Variants in EPHA6 observed in about 807,000 individuals in gnomAD.
The protein encoded by EPHA6 is EPH receptor A6.
EPHA6 carries 50 observed loss-of-function variants against 112.0 expected under a neutral mutation model. That is an observed-to-expected ratio of 0.45 (90% CI 0.36 to 0.56). EPHA6 has a LOEUF of 0.56. EPHA6 is among the 20% of genes least tolerant of loss of function. EPHA6 has a pLI of 0.00. For missense variants in EPHA6, 1,280 were observed against 1,417.4 expected (o/e 0.90, Z 1.56); for synonymous variants, 529 against 490.7 (o/e 1.08, Z -1.03).
chr3:96,993,341 G>A (rs968218678), intron 3 of EPHA6, among the ~76,000 whole-genome samples: 1 of 150,650 alleles, frequency 6.6e-6, no homozygotes, highest in Non-Finnish European at 1.5e-5. Context: ...TCTGTCACCA[G>A]GCTAGAGTAC....
chr3:96,873,080 C>A (rs894769561), intron 2 of EPHA6, among the ~76,000 whole-genome samples: 4 of 151,864 alleles, frequency 2.6e-5, no homozygotes, highest in Admixed American at 1.3e-4. Context: ...CCAACCTGGC[C>A]AACATGGTGA....
intron 1 of EPHA6, among the ~76,000 whole-genome samples, chr3:96,838,938 A>G (rs1387562865): frequency 6.6e-6 from 1 of 152,084 alleles, no homozygotes; most frequent in African/African-American, 2.4e-5. Context: ...TTCTTGGTAG[A>G]TATTTAATAC....
chr3:96,875,200 T>C (rs1465857258), intron 2 of EPHA6, among the ~76,000 whole-genome samples: 1 of 151,996 alleles, frequency 6.6e-6, no homozygotes, highest in Admixed American at 6.6e-5. Flanking sequence ...TCGTGGAAGG[T>C]AGAATTTCCT....
chr3:97,655,135 CACAT>C (rs904634502), intron 14 of EPHA6, among the ~76,000 whole-genome samples: 68 of 147,694 alleles, frequency 4.6e-4, no homozygotes, highest in Non-Finnish European at 8.0e-4. Context: ...TATATATATA[CACAT>C]ACATATATAT....
chr3:97,616,401 G>A (rs1050928876), intron 13 of EPHA6, among the ~76,000 whole-genome samples: 1 of 152,168 alleles, frequency 6.6e-6, no homozygotes, highest in African/African-American at 2.4e-5. Flanking sequence ...TACCTCTCCA[G>A]CAAGGGTTCA....
intron 3 of EPHA6, among the ~76,000 whole-genome samples, chr3:97,120,136 C>G (rs2048001101): frequency 1.3e-5 from 2 of 151,876 alleles, no homozygotes; most frequent in Admixed American, 6.6e-5. Flanking sequence ...CAATGTATCT[C>G]TTTGGCTCAA....
intron 5 of EPHA6, among the ~76,000 whole-genome samples, chr3:97,365,873 G>A (rs1284504194): frequency 6.6e-6 from 1 of 152,030 alleles, no homozygotes; most frequent in African/African-American, 2.4e-5. Flanking sequence ...CTAGGTTAAG[G>A]GGTTTGCTTT....
intron 5 of EPHA6, among the ~76,000 whole-genome samples, chr3:97,339,546 T>C (rs769038017): frequency 1.2e-4 from 18 of 152,238 alleles, no homozygotes; most frequent in Non-Finnish European, 2.2e-4. Flanking sequence ...TCTGAGTTTA[T>C]ATGCTCTATT....
chr3:96,988,002 C>CA lies in EPHA6; in HGVS notation c.1114+12dup, dbSNP rs2043082967. 5 of 1,528,262 alleles carry CA rather than the reference C, an allele frequency of 3.3e-6. No individual in the cohort carries two copies. The highest frequency in any genetic ancestry group is 1.4e-5 in the African/African-American group (1 of 71,678). 94.7% of individuals were successfully genotyped at this position (1,528,262 alleles called of 1,614,324 possible). A position where few individuals can be genotyped will look rare whatever the true frequency, so the allele number is the denominator to read the frequency against. On this transcript the variant is annotated intron_variant, in intron 3 of 17. Transcript: ENST00000389672. ...TGAGGGTTCTTGCCATGGTAAGAAA[C>CA]AAACATTTAAATAATTTATCTTGCA...
intron 2 of EPHA6, among the ~76,000 whole-genome samples, chr3:96,968,400 A>G (rs1051053769): frequency 4.6e-5 from 7 of 151,656 alleles, no homozygotes; most frequent in African/African-American, 1.7e-4. Context: ...ACACACACAC[A>G]CACACACACA....
intron 7 of EPHA6, among the ~76,000 whole-genome samples, chr3:97,449,176 A>C (rs1302910045): frequency 6.6e-6 from 1 of 152,190 alleles, no homozygotes; most frequent in East Asian, 1.9e-4. Flanking sequence ...ATACAGATGC[A>C]TGGGCTTCAT....
chr3:96,866,283 G>A (rs2036305253), intron 1 of EPHA6, among the ~76,000 whole-genome samples: 1 of 151,966 alleles, frequency 6.6e-6, no homozygotes, highest in Admixed American at 6.6e-5. Flanking sequence ...TTTACGTTTG[G>A]TTTCGCATCT....
intron 2 of EPHA6, among the ~76,000 whole-genome samples, chr3:96,892,022 A>G (rs1476269240): frequency 6.6e-6 from 1 of 152,190 alleles, no homozygotes; most frequent in East Asian, 1.9e-4. Context: ...AGTTGGAAAG[A>G]CTTACTCATT....
intron 7 of EPHA6, among the ~76,000 whole-genome samples, chr3:97,451,025 G>T (rs749435512): frequency 1.3e-5 from 2 of 151,866 alleles, no homozygotes; most frequent in Non-Finnish European, 2.9e-5. Flanking sequence ...AAGCATAAAG[G>T]CCTCTAACAA....
At chr3:97,286,258 A>AT (rs2080461381) in intron 5 of EPHA6, among the ~76,000 whole-genome samples, 1 of 151,962 alleles carries the variant, frequency 6.6e-6, no homozygotes, top group Admixed American at 6.6e-5. Flanking sequence ...CTATTACTCC[A>AT]TTTTTTCTTT....
intron 6 of EPHA6, among the ~76,000 whole-genome samples, chr3:97,419,341 G>A (rs2088413126): frequency 6.6e-6 from 1 of 151,758 alleles, no homozygotes; most frequent in Admixed American, 6.6e-5. Flanking sequence ...AAAACAGAAG[G>A]GGTCAGGCAC....
chr3:96,869,670 T>C (rs2036524546), intron 2 of EPHA6, among the ~76,000 whole-genome samples: 1 of 152,056 alleles, frequency 6.6e-6, no homozygotes, highest in South Asian at 2.1e-4. Context: ...TAAGTTAACT[T>C]TTAAAACCTA....
intron 3 of EPHA6, among the ~76,000 whole-genome samples, chr3:97,013,790 T>C (rs2044171252): frequency 6.6e-6 from 1 of 152,168 alleles, no homozygotes; most frequent in African/African-American, 2.4e-5. Context: ...GCTTAAGATA[T>C]AAACAAGAAC....
chr3:97,580,367 G>C (rs2093426124), intron 11 of EPHA6, among the ~76,000 whole-genome samples: 1 of 152,194 alleles, frequency 6.6e-6, no homozygotes, highest in Non-Finnish European at 1.5e-5. Context: ...TGTATGTTAA[G>C]TGAACCAATA....
Sources: allele counts gnomAD v4.1 joint callset (sites outside exome capture counted in the v4.1 genomes callset), GRCh38; gene constraint gnomAD v4.1.1; transcripts MANE v1.5; gene names NCBI Gene and HGNC (gene_info 2026-07-23, HGNC 2026-07-21).